Variants in ALDH9A1 observed in about 807,000 individuals in gnomAD.
ALDH9A1 encodes the protein 4-trimethylaminobutyraldehyde dehydrogenase.
In ALDH9A1, 42 loss-of-function variants were observed where a neutral mutation model predicts 56.6. The observed-to-expected ratio is 0.74, with a 90% CI of 0.58 to 0.96. The LOEUF is 0.96. Ranked by LOEUF, ALDH9A1 falls within the 40% of genes least tolerant of loss-of-function variation. The probability of loss-of-function intolerance (pLI) is 0.00; values close to 1 mark genes in which losing one functional copy is unlikely to be tolerated. For synonymous variants in ALDH9A1, 242 were observed against 236.0 expected (o/e 1.03, Z -0.23); for missense variants, 661 against 651.5 (o/e 1.01, Z -0.16).
At position 165,698,480 on chromosome 1, in the gene ALDH9A1, T is replaced by C; in HGVS notation, c.79A>G (p.Thr27Ala). The change falls in exon 1 of 11, where the codon ACT becomes GCT. Residue 27 changes from threonine (T) to alanine (A), a missense_variant. Coordinates refer to ENST00000354775, the MANE Select transcript of ALDH9A1 (RefSeq NM_000696.4). ...LRPSPVAAMS[T>A]GTFVVSQPLN... is the part of the protein sequence containing the mutation. ...GGCTGCGACACGACGAAGGTGCCAG[T>C]GCTCATGGCGGCGACAGGAGAGGGC... The C allele has an allele frequency of 1.2e-6, 2 of 1,608,774 alleles. No homozygotes were observed. The highest frequency in any genetic ancestry group is 1.7e-6 in the Non-Finnish European group (2 of 1,177,938).
intron 2 of ALDH9A1, among the ~76,000 whole-genome samples, chr1:165,688,681 C>G (rs914605711): frequency 6.6e-6 from 1 of 152,216 alleles, no homozygotes; most frequent in African/African-American, 2.4e-5. Flanking sequence ...GCACTCCAGC[C>G]TGGGTGACAG....
At chr1:165,678,264 GCAGAGGATGCAGTGAGC>G (rs1356330763) in intron 6 of ALDH9A1, among the ~76,000 whole-genome samples, 3 of 151,938 alleles carry the variant, frequency 2.0e-5, no homozygotes, top group Non-Finnish European at 4.4e-5. Flanking sequence ...AACCTGGGAG[GCAGAGGATGCAGTGAGC>G]CGAGATCGTG....
At chr1:165,692,395 T>G (rs1271981193) in intron 2 of ALDH9A1, among the ~76,000 whole-genome samples, 1 of 152,156 alleles carries the variant, frequency 6.6e-6, no homozygotes, top group Non-Finnish European at 1.5e-5. Context: ...TGTGCAAAAA[T>G]CACAAGCATT....
rs1040290419 is a variant in ALDH9A1, at chr1:165,675,263, C to CTA, written c.930+4177_930+4178dup. ...TATTTTTAGTGCTCTCTCTCTCTCTCTATATATATATAAAGTATACATAGT... is the reference window on the plus strand; with the variant it reads ...TATTTTTAGTGCTCTCTCTCTCTCTCTATATATATATATAAAGTATACATAGT... On this transcript the variant is annotated intron_variant, in intron 6 of 10. Transcript: ENST00000354775. 3.2e-3 allele frequency among the ~76,000 whole-genome samples: 486 copies of CTA among 151,092 alleles called. 1 individual carries two copies. Among genetic ancestry groups the CTA allele is most frequent in the Middle Eastern group, 6.9e-3 (2 of 288 alleles).
Position 165,689,202 on chromosome 1 carries a change from T to A in ALDH9A1, c.327+6050A>T, listed in dbSNP as rs573989190. Among the ~76,000 whole-genome samples, 8 of 152,326 alleles carry A rather than the reference T, an allele frequency of 5.3e-5. No individual in the cohort carries two copies. The South Asian group carries it at 1.7e-3, about 32-fold the overall frequency. ...TTTTAATAACGGGGAAAATACTTCG[T>A]TGGGAGAAAATTCTATATGAATATT... On this transcript the variant is annotated intron_variant, in intron 2 of 10. Transcript: ENST00000354775.
chr1:165,681,428 G>T (rs140616475), intron 4 of ALDH9A1, among the ~76,000 whole-genome samples: 1 of 152,306 alleles, frequency 6.6e-6, no homozygotes, highest in South Asian at 2.1e-4. Context: ...GACTATTAAA[G>T]CTAGTGACTA....
chr1:165,679,371 A>G, intron 6 of ALDH9A1, 71 bp downstream of exon 6: 1 of 1,533,482 alleles, frequency 6.5e-7, no homozygotes, highest in Non-Finnish European at 8.9e-7. Flanking sequence ...TAAAACAAAA[A>G]GCTTTAAAAC....
At chr1:165,689,777 T>A (rs1412190039) in intron 2 of ALDH9A1, among the ~76,000 whole-genome samples, 1 of 151,584 alleles carries the variant, frequency 6.6e-6, no homozygotes, top group Non-Finnish European at 1.5e-5. Flanking sequence ...CTACTAAAAA[T>A]ACAAAAAATA....
chr1:165,687,010 A>C (rs1272786189), intron 2 of ALDH9A1, among the ~76,000 whole-genome samples: 1 of 152,224 alleles, frequency 6.6e-6, no homozygotes, highest in African/African-American at 2.4e-5. Context: ...GAACACATAT[A>C]TAAAAGACCC....
intron 8 of ALDH9A1, 116 bp downstream of exon 8, chr1:165,668,810 G>A (rs966845318): frequency 1.3e-6 from 1 of 772,436 alleles, no homozygotes; most frequent in Non-Finnish European, 2.1e-6. Flanking sequence ...TGGGTAGTAG[G>A]ACCACATAAT....
intron 2 of ALDH9A1, among the ~76,000 whole-genome samples, chr1:165,694,387 C>A (rs1649996384): frequency 6.6e-6 from 1 of 152,020 alleles, no homozygotes; most frequent in African/African-American, 2.4e-5. Flanking sequence ...CACAGAAACC[C>A]TTTGCATTGC....
intron 2 of ALDH9A1, among the ~76,000 whole-genome samples, chr1:165,688,872 G>T (rs1236284348): frequency 6.6e-6 from 1 of 152,124 alleles, no homozygotes; most frequent in East Asian, 1.9e-4. Flanking sequence ...AAGTGTTTTT[G>T]ATTAATAAAC....
At chr1:165,674,623 T>C (rs1340411461) in intron 6 of ALDH9A1, among the ~76,000 whole-genome samples, 1 of 148,498 alleles carries the variant, frequency 6.7e-6, no homozygotes, top group Non-Finnish European at 1.5e-5. Flanking sequence ...GAGGCGGAAG[T>C]TGCAGTGAGC....
intron 2 of ALDH9A1, among the ~76,000 whole-genome samples, chr1:165,693,778 C>T (rs1649973328): frequency 6.6e-6 from 1 of 152,142 alleles, no homozygotes; most frequent in Non-Finnish European, 1.5e-5. Flanking sequence ...ATGTTTATTG[C>T]AGCACTATTC....
At chr1:165,690,457 T>C (rs567475648) in intron 2 of ALDH9A1, among the ~76,000 whole-genome samples, 6 of 152,240 alleles carry the variant, frequency 3.9e-5, no homozygotes, top group South Asian at 2.1e-4. Flanking sequence ...AGAATCAAGA[T>C]GGCCGAATAG....
At position 165,680,492 on chromosome 1, in the gene ALDH9A1, T is replaced by C. The variant is rs1411412281; in HGVS notation, c.784A>G (p.Met262Val). ...VSFTGSVPTG[M>V]KIMEMSAKGI... ...AATACTGGTTTTGTCCTCACCTTCA[T>C]GCCAGTGGGCACACTTCCAGTGAAG... The change falls in exon 5 of 11, where the codon ATG (methionine) becomes GTG (valine). Residue 262 changes from methionine to valine, a missense_variant. Physicochemically the swap from Met to Val is conservative, Grantham distance 21. Coordinates refer to ENST00000354775, the MANE Select transcript of ALDH9A1 (RefSeq NM_000696.4). The C allele has an allele frequency of 1.2e-6, 2 of 1,614,044 alleles. No individual in the cohort carries two copies. The highest frequency in any genetic ancestry group is 1.7e-6 in the Non-Finnish European group (2 of 1,179,980).
chr1:165,687,485 G>A (rs80249956), intron 2 of ALDH9A1, among the ~76,000 whole-genome samples: 2,499 of 152,102 alleles, frequency 0.016, 70 homozygotes, highest in African/African-American at 0.057. Flanking sequence ...GGGGGGTAGA[G>A]GGAGTACATT....
intron 9 of ALDH9A1, among the ~76,000 whole-genome samples, chr1:165,666,729 T>C (rs1409208723): frequency 6.6e-6 from 1 of 152,214 alleles, no homozygotes; most frequent in Non-Finnish European, 1.5e-5. Context: ...TGCCTTCCAC[T>C]GCCAAAGACT....
chr1:165,692,337 CCTT>C (rs1393554416), intron 2 of ALDH9A1, among the ~76,000 whole-genome samples: 3 of 152,200 alleles, frequency 2.0e-5, no homozygotes, highest in African/African-American at 7.2e-5. Flanking sequence ...CCCAAAATCT[CCTT>C]AAGGTGATAA....
Sources: allele counts gnomAD v4.1 joint callset (sites outside exome capture counted in the v4.1 genomes callset), GRCh38; gene constraint gnomAD v4.1.1; transcripts MANE v1.5; gene names NCBI Gene and HGNC (gene_info 2026-07-23, HGNC 2026-07-21).